The following HMGCLL1 variants were observed in gnomAD, a reference collection of about 807,000 sequenced individuals.
The protein encoded by HMGCLL1 is 3-hydroxymethyl-3-methylglutaryl-CoA lyase, cytoplasmic.
A neutral mutation model predicts 39.1 loss-of-function variants in HMGCLL1; 36 were observed. That is an observed-to-expected ratio of 0.92 (90% CI 0.71 to 1.22). The LOEUF (loss-of-function observed/expected upper bound fraction) is 1.22, where lower values mean the gene tolerates loss of function less well. Ranked by LOEUF, HMGCLL1 falls within the 50% of genes most tolerant of loss-of-function variation. The probability of loss-of-function intolerance (pLI) is 0.00; values close to 1 mark genes in which losing one functional copy is unlikely to be tolerated. For synonymous variants in HMGCLL1, 149 were observed against 144.0 expected (o/e 1.03, Z -0.25); for missense variants, 451 against 416.5 (o/e 1.08, Z -0.72).
chr6:55,516,485 A>G, intron 4 of HMGCLL1, 23 bp downstream of exon 4: 1 of 1,471,056 alleles, frequency 6.8e-7, no homozygotes, highest in Non-Finnish European at 9.4e-7. Flanking sequence ...TATCAATTTT[A>G]GAGATATTAG....
At chr6:55,498,023 G>T (rs1019369883) in intron 6 of HMGCLL1, among the ~76,000 whole-genome samples, 2 of 152,072 alleles carry the variant, frequency 1.3e-5, no homozygotes, top group African/African-American at 4.8e-5. Context: ...CACACAAAAG[G>T]CCCCTTTAAA....
the HMGCLL1 span, among the ~76,000 whole-genome samples, chr6:55,660,829 C>G: frequency 1.3e-5 from 2 of 151,888 alleles, no homozygotes; most frequent in Non-Finnish European, 2.9e-5. Context: ...CTAATTTACA[C>G]TACCGCCAAT....
chr6:55,516,467 A>G, intron 4 of HMGCLL1, 41 bp downstream of exon 4: 3 of 1,240,228 alleles, frequency 2.4e-6, no homozygotes, highest in Non-Finnish European at 3.5e-6. Context: ...TTAAAACGAT[A>G]AGAGGCCTAT....
At chr6:55,554,929 C>T (rs1770567464) in intron 1 of HMGCLL1, among the ~76,000 whole-genome samples, 1 of 152,174 alleles carries the variant, frequency 6.6e-6, no homozygotes, top group Non-Finnish European at 1.5e-5. Context: ...TTATTTCTTA[C>T]TTGGATAACT....
At chr6:55,634,205 T>C in the HMGCLL1 span, among the ~76,000 whole-genome samples, 1 of 152,100 alleles carries the variant, frequency 6.6e-6, no homozygotes, top group Non-Finnish European at 1.5e-5. Context: ...GGGAGGTCAT[T>C]AGCCAGATGA....
chr6:55,612,268 C>G, the HMGCLL1 span, among the ~76,000 whole-genome samples: 1 of 151,980 alleles, frequency 6.6e-6, no homozygotes, highest in Non-Finnish European at 1.5e-5. Context: ...TCAAGGAAAA[C>G]TACAAACCAC....
the HMGCLL1 span, among the ~76,000 whole-genome samples, chr6:55,598,394 A>G: frequency 6.6e-6 from 1 of 152,182 alleles, no homozygotes; most frequent in Admixed American, 6.5e-5. Flanking sequence ...GTTGAAACCA[A>G]TACTCCACAA....
chr6:55,561,991 T>C (rs1180970539), intron 1 of HMGCLL1, among the ~76,000 whole-genome samples: 8 of 152,116 alleles, frequency 5.3e-5, no homozygotes, highest in Non-Finnish European at 1.2e-4. Flanking sequence ...AATTCATAAG[T>C]CATTTTAAAT....
At chr6:55,536,286 A>C (rs1421775273) in intron 3 of HMGCLL1, among the ~76,000 whole-genome samples, 1 of 152,192 alleles carries the variant, frequency 6.6e-6, no homozygotes, top group Non-Finnish European at 1.5e-5. Flanking sequence ...AACAGTTAAA[A>C]AATAGCTAAT....
At chr6:55,633,467 C>T in the HMGCLL1 span, among the ~76,000 whole-genome samples, 53 of 150,982 alleles carry the variant, frequency 3.5e-4, no homozygotes, top group African/African-American at 1.2e-3. Flanking sequence ...ATAGTGTGCT[C>T]ATGGAATAAT....
intron 5 of HMGCLL1, chr6:55,512,254 A>T (rs1412005468): frequency 2.6e-5 from 4 of 152,102 alleles, no homozygotes; most frequent in Non-Finnish European, 2.9e-5. Context: ...TTATAGTCAC[A>T]TACTTTTTAA....
At chr6:55,647,587 G>A in the HMGCLL1 span, among the ~76,000 whole-genome samples, 1 of 151,118 alleles carries the variant, frequency 6.6e-6, no homozygotes, top group Non-Finnish European at 1.5e-5. Context: ...TTACCATGAG[G>A]CTTGCAAACA....
rs112788489 is a variant in HMGCLL1, at chr6:55,578,303, T to C, written c.108+645A>G. On this transcript the variant is annotated intron_variant, in intron 1 of 8. Transcript: ENST00000274901. ...TCTTTATACACCTTTTCTTTATTTA[T>C]CTGACACTGGTTAAGAGTGCATTAA... is the stretch of plus-strand genomic sequence containing the variant. Among the ~76,000 whole-genome samples the C allele has an allele frequency of 9.4e-3, 1,437 of 152,322 alleles. 23 individuals carry two copies. The highest frequency in any genetic ancestry group is 0.032 in the African/African-American group (1,311 of 41,568).
intron 5 of HMGCLL1, among the ~76,000 whole-genome samples, chr6:55,500,802 G>T (rs567786299): frequency 6.6e-6 from 1 of 151,974 alleles, no homozygotes; most frequent in Non-Finnish European, 1.5e-5. Flanking sequence ...GATGGAAAAG[G>T]AGAAAAAGTT....
rs899935833 is a variant in HMGCLL1 at position 55,510,354 on chromosome 6, C to A, written c.542+3694G>T. Among the ~76,000 whole-genome samples, 4 of 151,556 alleles carry A rather than the reference C, an allele frequency of 2.6e-5. No individual in the cohort carries two copies. The East Asian group carries it at 5.9e-4, about 22-fold the overall frequency. On this transcript the variant is annotated intron_variant, in intron 5 of 8. Transcript: ENST00000274901. Reference sequence around the variant, plus strand: ...GACACATGCACACGTATGTTTATTGCGGCACTATTCACAATAGCAAAGACT... The same window carrying A: ...GACACATGCACACGTATGTTTATTGAGGCACTATTCACAATAGCAAAGACT...
At chr6:55,470,917 A>G (rs1439409117) in intron 7 of HMGCLL1, among the ~76,000 whole-genome samples, 1 of 151,666 alleles carries the variant, frequency 6.6e-6, no homozygotes, top group African/African-American at 2.4e-5. Context: ...TATCAGGACA[A>G]TTGCCCCCAT....
chr6:55,622,325 G>A, the HMGCLL1 span, among the ~76,000 whole-genome samples: 5 of 152,016 alleles, frequency 3.3e-5, no homozygotes, highest in Admixed American at 1.3e-4. Flanking sequence ...ATTGGTGAAA[G>A]TTGGCATCCT....
At chr6:55,457,728 C>T (rs77430676) in intron 7 of HMGCLL1, among the ~76,000 whole-genome samples, 2,169 of 151,956 alleles carry the variant, frequency 0.014, 58 homozygotes, top group African/African-American at 0.05. Context: ...TCTTTCAAGT[C>T]GGCTATATCA....
intron 5 of HMGCLL1, among the ~76,000 whole-genome samples, chr6:55,501,735 T>A (rs1184930727): frequency 6.6e-6 from 1 of 151,902 alleles, no homozygotes; most frequent in Non-Finnish European, 1.5e-5. Context: ...CACCAAGATA[T>A]TATTTTATAT....
Sources: allele counts gnomAD v4.1 joint callset (sites outside exome capture counted in the v4.1 genomes callset), GRCh38; gene constraint gnomAD v4.1.1; transcripts MANE v1.5; gene names NCBI Gene and HGNC (gene_info 2026-07-23, HGNC 2026-07-21).